Variants in PTPRG observed in about 807,000 individuals in gnomAD.
PTPRG encodes the protein receptor-type tyrosine-protein phosphatase gamma.
PTPRG carries 102 observed loss-of-function variants against 165.3 expected under a neutral mutation model. The observed-to-expected ratio is 0.62, with a 90% CI of 0.53 to 0.73. PTPRG has a LOEUF of 0.73. Among genes scored for constraint, PTPRG ranks in the 30% least tolerant of loss-of-function variants. The probability of loss-of-function intolerance (pLI) is 0.00; values close to 1 mark genes in which losing one functional copy is unlikely to be tolerated. For missense variants in PTPRG, 1,866 were observed against 1,861.4 expected (o/e 1.00, Z -0.05); for synonymous variants, 675 against 669.5 (o/e 1.01, Z -0.13).
intron 4 of PTPRG, among the ~76,000 whole-genome samples, chr3:62,042,121 C>T (rs1559762707): frequency 6.6e-6 from 1 of 152,170 alleles, no homozygotes; most frequent in South Asian, 2.1e-4. Context: ...AAATCTTGCA[C>T]TGCTGGCACG....
intron 2 of PTPRG, among the ~76,000 whole-genome samples, chr3:61,920,903 G>A (rs1470094093): frequency 6.6e-6 from 1 of 152,182 alleles, no homozygotes; most frequent in African/African-American, 2.4e-5. Context: ...TGAATTTTGA[G>A]TTGATGGTAT....
At position 62,277,480 on chromosome 3, in the gene PTPRG, T is replaced by C. The variant is rs892116907; in HGVS notation, c.3637-71T>C. The C allele has an allele frequency of 1.6e-5, 24 of 1,506,240 alleles. No individual in the cohort carries two copies. The African/African-American group carries it at 3.3e-4, about 21-fold the overall frequency. The allele number at this position is 1,506,240 out of a possible 1,614,324, so 93.3% of individuals were successfully genotyped here. ...AAACAGTGCTATCTTATTTCATGAATATATTTTACTACCACAAAGTTAGAA... is the reference window on the plus strand; with the variant it reads ...AAACAGTGCTATCTTATTTCATGAACATATTTTACTACCACAAAGTTAGAA... On this transcript the variant is annotated intron_variant, in intron 25 of 29. Transcript: ENST00000474889.
chr3:62,048,435 T>C (rs1700365312), intron 4 of PTPRG, among the ~76,000 whole-genome samples: 1 of 152,216 alleles, frequency 6.6e-6, no homozygotes. Flanking sequence ...TTGTGACCTC[T>C]AAGTATAGAC....
chr3:61,880,715 C>T (rs1445526178), intron 2 of PTPRG, among the ~76,000 whole-genome samples: 1 of 150,508 alleles, frequency 6.6e-6, no homozygotes, highest in African/African-American at 2.5e-5. Context: ...AGAATGAGAA[C>T]GTGATTGCAT....
chr3:62,100,918 A>G (rs1340908569), intron 5 of PTPRG, among the ~76,000 whole-genome samples: 1 of 152,052 alleles, frequency 6.6e-6, no homozygotes, highest in African/African-American at 2.4e-5. Context: ...TTCTTTTTCT[A>G]CCTCTCTGCT....
intron 2 of PTPRG, among the ~76,000 whole-genome samples, chr3:61,913,078 A>C (rs1197295888): frequency 6.6e-6 from 1 of 152,116 alleles, no homozygotes; most frequent in Non-Finnish European, 1.5e-5. Context: ...TTTAAACTTT[A>C]GATTCAGGGG....
rs775249444 is a variant in PTPRG at position 61,594,068 on chromosome 3, T to C, written c.85+31696T>C. ...TTTTAGAATTACTTTTTGAAAAAAA[T>C]AGAATTTTGAAAGCAGAATCTAAAC... is the stretch of plus-strand genomic sequence containing the variant. On this transcript the variant is annotated intron_variant, in intron 1 of 29. Transcript: ENST00000474889. 5.3e-5 allele frequency among the ~76,000 whole-genome samples: 8 copies of C among 152,050 alleles called. 1 individual carries two copies. Among genetic ancestry groups the C allele is most frequent in the Admixed American group, 2.0e-4 (3 of 15,260 alleles).
Position 62,107,592 on chromosome 3 carries a change from T to C in PTPRG, c.616-25010T>C, listed in dbSNP as rs137860619. Among the ~76,000 whole-genome samples the C allele has an allele frequency of 6.6e-5, 10 of 152,324 alleles. No homozygotes were observed. The East Asian group carries it at 1.9e-3, about 29-fold the overall frequency. On this transcript the variant is annotated intron_variant, in intron 5 of 29. Coordinates refer to ENST00000474889, the MANE Select transcript of PTPRG (RefSeq NM_002841.4). ...TGTGAATTGAATTTTGAATAATATA[T>C]GGTACGTACTATAGTGAAAGTTTCT...
chr3:62,029,015 C>G (rs1699675576), intron 4 of PTPRG, among the ~76,000 whole-genome samples: 1 of 152,194 alleles, frequency 6.6e-6, no homozygotes, highest in South Asian at 2.1e-4. Flanking sequence ...GTCCAATTGG[C>G]TATGGCCATG....
chr3:62,226,665 A>G (rs1222616872), intron 13 of PTPRG, among the ~76,000 whole-genome samples: 1 of 152,210 alleles, frequency 6.6e-6, no homozygotes, highest in Non-Finnish European at 1.5e-5. Flanking sequence ...CAGATTCTGG[A>G]ACAGAAAACT....
intron 15 of PTPRG, among the ~76,000 whole-genome samples, chr3:62,247,920 A>G (rs1424650507): frequency 6.6e-6 from 1 of 152,172 alleles, no homozygotes; most frequent in African/African-American, 2.4e-5. Context: ...GTTTTTGAAG[A>G]ATTTTGAATG....
chr3:62,228,034 C>T lies in PTPRG; in HGVS notation c.2289-3191C>T, dbSNP rs570102275. 6.6e-4 allele frequency among the ~76,000 whole-genome samples: 101 copies of T among 152,184 alleles called. 1 individual carries two copies. Among genetic ancestry groups the T allele is most frequent in the African/African-American group, 2.2e-3 (91 of 41,514 alleles). On this transcript the variant is annotated intron_variant, in intron 13 of 29. Transcript: ENST00000474889. The surrounding 1 kb of genome is among the most constrained non-coding windows in gnomAD (Gnocchi z 4.1). ...TCCCTTGCCAGTTTGCCAGTCTCTG[C>T]CCTCCCCGCTATTCCCTGCCTGTTT...
intron 15 of PTPRG, among the ~76,000 whole-genome samples, chr3:62,253,957 A>G (rs1041774722): frequency 1.3e-5 from 2 of 152,202 alleles, no homozygotes; most frequent in Admixed American, 6.5e-5. Flanking sequence ...AAGAGATGCT[A>G]TTTTCCACTT....
rs533919159 is a variant in PTPRG, at chr3:61,746,795, G to A, written c.86-2083G>A. On this transcript the variant is annotated intron_variant, in intron 1 of 29. Coordinates refer to ENST00000474889, the MANE Select transcript of PTPRG (RefSeq NM_002841.4). Reference sequence around the variant, plus strand: ...AATGCGTGATACACAGCTAGCTGGAGTGGGGATATGGTTATTACAAAACAG... The same window carrying A: ...AATGCGTGATACACAGCTAGCTGGAATGGGGATATGGTTATTACAAAACAG... Among the ~76,000 whole-genome samples the A allele has an allele frequency of 3.3e-5, 5 of 152,256 alleles. No individual in the cohort carries two copies. The East Asian group carries it at 9.7e-4, about 29-fold the overall frequency.
chr3:62,048,291 A>G (rs1221295091), intron 4 of PTPRG, among the ~76,000 whole-genome samples: 1 of 152,242 alleles, frequency 6.6e-6, no homozygotes, highest in African/African-American at 2.4e-5. Context: ...AAACAGGTCC[A>G]GGTGGATAAT....
intron 1 of PTPRG, among the ~76,000 whole-genome samples, chr3:61,691,765 G>T (rs1416277726): frequency 6.6e-6 from 1 of 152,198 alleles, no homozygotes; most frequent in Non-Finnish European, 1.5e-5. Flanking sequence ...TTCTCACCAA[G>T]AACAGATGGT....
chr3:62,063,953 T>C (rs1173920461), intron 4 of PTPRG, among the ~76,000 whole-genome samples: 1 of 152,222 alleles, frequency 6.6e-6, no homozygotes, highest in East Asian at 1.9e-4. Context: ...GATGTGGAGC[T>C]GTCTGTTGCT....
chr3:61,727,933 C>A (rs6767548), intron 1 of PTPRG, among the ~76,000 whole-genome samples: 42,095 of 152,124 alleles, frequency 0.28, 6,679 homozygotes, highest in East Asian at 0.74. Flanking sequence ...GTATGGAAGG[C>A]TGGTCTACCT....
chr3:62,282,634 A>AACAC (rs1379940188), intron 27 of PTPRG, 93 bp from the exon 28 acceptor site: 3 of 1,321,330 alleles, frequency 2.3e-6, no homozygotes, highest in Non-Finnish European at 3.1e-6. Context: ...AGTTACCTAT[A>AACAC]ACACATGGCT....
Sources: gnomAD v4.1 joint callset for allele counts (sites outside exome capture counted in the v4.1 genomes callset) on GRCh38, gnomAD v4.1.1 for gene constraint, Gnocchi (gnomAD v3.1) non-coding constraint, MANE v1.5 for transcripts, NCBI Gene and HGNC (gene_info 2026-07-23, HGNC 2026-07-21) for gene names.